Variants in GFRA2 observed in about 807,000 individuals in gnomAD.
GFRA2 encodes GDNF family receptor alpha-2.
A neutral mutation model predicts 48.3 loss-of-function variants in GFRA2; 17 were observed. That is an observed-to-expected ratio of 0.35 (90% CI 0.24 to 0.53). The LOEUF (loss-of-function observed/expected upper bound fraction) is 0.53, where lower values mean the gene tolerates loss of function less well. Ranked by LOEUF, GFRA2 falls within the 20% of genes least tolerant of loss-of-function variation. GFRA2 has a pLI of 0.93. For missense variants in GFRA2, 660 were observed against 637.3 expected (o/e 1.04, Z -0.38); for synonymous variants, 305 against 257.2 (o/e 1.19, Z -1.78).
At chr8:21,739,656 TC>T (rs146931164) in intron 4 of GFRA2, among the ~76,000 whole-genome samples, 1,521 of 151,884 alleles carry the variant, frequency 0.01, 39 homozygotes, top group African/African-American at 0.034. Context: ...CAGGGCTGCC[TC>T]CCCCCTGGGG....
At chr8:21,790,959 C>A (rs1233546598), upstream of GFRA2, among the ~76,000 whole-genome samples, 1 of 152,020 alleles carries the variant, frequency 6.6e-6, no homozygotes, top group Admixed American at 6.6e-5. Context: ...AAATGAATGT[C>A]CCCCCTCTCA....
chr8:21,796,131 G>T (rs1807671692), intron 2 of GFRA2, among the ~76,000 whole-genome samples: 1 of 152,216 alleles, frequency 6.6e-6, no homozygotes, highest in Non-Finnish European at 1.5e-5. Flanking sequence ...CTGGGTGTCT[G>T]GTCTGCCCCT....
At chr8:21,752,142 A>G (rs974831280) in intron 3 of GFRA2, among the ~76,000 whole-genome samples, 1 of 151,990 alleles carries the variant, frequency 6.6e-6, no homozygotes, top group African/African-American at 2.4e-5. Context: ...TGTCTTCTAG[A>G]CCATTCCCAT....
At chr8:21,800,840 G>A (rs1807757307) in intron 2 of GFRA2, among the ~76,000 whole-genome samples, 1 of 151,788 alleles carries the variant, frequency 6.6e-6, no homozygotes, top group African/African-American at 2.4e-5. Context: ...GCAAGAGGAT[G>A]GCTTGAGCCC....
intron 4 of GFRA2, among the ~76,000 whole-genome samples, chr8:21,726,986 G>A (rs1317462202): frequency 3.9e-5 from 6 of 152,026 alleles, no homozygotes; most frequent in African/African-American, 1.2e-4. Context: ...TCCTGACCTC[G>A]TGATCCACCT....
chr8:21,788,839 C>A lies in GFRA2; in HGVS notation c.-680G>T, dbSNP rs1253327513. 2 of 974,298 alleles carry A rather than the reference C, an allele frequency of 2.1e-6. No homozygotes were observed. The highest frequency in any genetic ancestry group is 3.5e-5 in the African/African-American group (2 of 57,006). The allele number at this position is 974,298 out of a possible 1,614,324, so 60.4% of individuals were successfully genotyped here. A position where few individuals can be genotyped will look rare whatever the true frequency, so the allele number is the denominator to read the frequency against. On this transcript the variant is annotated 5_prime_UTR_variant, in exon 1 of 9. Transcript: ENST00000524240. ...CTCTCCTCTCTCTCTCTCTCCTCTC[C>A]CTCGCTCGCTCTTTGCTCTCGCTCT... is the stretch of plus-strand genomic sequence containing the variant.
chr8:21,787,964 G>T (rs1344142876), intron 1 of GFRA2, among the ~76,000 whole-genome samples, 156 bp downstream of exon 1: 1 of 151,472 alleles, frequency 6.6e-6, no homozygotes, highest in Non-Finnish European at 1.5e-5. Flanking sequence ...CGTCCCTGCC[G>T]CCCGGCCCCG....
intron 2 of GFRA2, 57 bp from the exon 3 acceptor site, chr8:21,775,112 A>G: frequency 1.2e-6 from 1 of 865,714 alleles, no homozygotes; most frequent in African/African-American, 1.6e-5. Context: ...CGCTGCCGGC[A>G]CTTAGCAAAT....
At chr8:21,789,028 G>A (rs369415423), upstream of GFRA2, among the ~76,000 whole-genome samples, 77 of 93,528 alleles carry the variant, frequency 8.2e-4, 1 homozygote, top group East Asian at 0.015. Context: ...CAGGCGGCTG[G>A]CGGCGCGGGG....
chr8:21,764,280 G>T (rs569420375), intron 3 of GFRA2, among the ~76,000 whole-genome samples: 1 of 152,188 alleles, frequency 6.6e-6, no homozygotes, highest in East Asian at 1.9e-4. Context: ...CCATCTTCTG[G>T]CTGTGTCCTC....
Position 21,788,800 on chromosome 8 carries a change from G to A in GFRA2, c.-641C>T, listed in dbSNP as rs1585346385. The A allele has an allele frequency of 1.0e-6, 1 of 985,406 alleles. No homozygotes were observed. Among genetic ancestry groups the A allele is most frequent in the Non-Finnish European group, 1.2e-6 (1 of 829,954 alleles). 61.0% of individuals were successfully genotyped at this position (985,406 alleles called of 1,614,324 possible). Reference sequence around the variant, plus strand: ...TTCCAGTGACCGTGTGTCTCTGCGTGCGTGTGTCTTTCTCTCTCCTCTCTC... The same window carrying A: ...TTCCAGTGACCGTGTGTCTCTGCGTACGTGTGTCTTTCTCTCTCCTCTCTC... On this transcript the variant is annotated 5_prime_UTR_variant, in exon 1 of 9. Transcript: ENST00000524240.
chr8:21,803,630 T>C (rs972791648), intron 2 of GFRA2, among the ~76,000 whole-genome samples: 1 of 152,196 alleles, frequency 6.6e-6, no homozygotes, highest in Non-Finnish European at 1.5e-5. Context: ...GTAATGATCA[T>C]AGCTAACTTT....
At chr8:21,790,126 C>A (rs1807523630), upstream of GFRA2, 1 of 984,380 alleles carries the variant, frequency 1.0e-6, no homozygotes, top group Non-Finnish European at 1.2e-6. Flanking sequence ...TAAAAGGAAG[C>A]GTCTGGCTGG....
At chr8:21,752,314 C>A (rs372420762) in intron 3 of GFRA2, among the ~76,000 whole-genome samples, 1 of 152,252 alleles carries the variant, frequency 6.6e-6, no homozygotes, top group East Asian at 1.9e-4. Context: ...CTCTCTTAGA[C>A]CTGCTTCAGC....
At chr8:21,721,295 A>C (rs777355964) in intron 4 of GFRA2, among the ~76,000 whole-genome samples, 1 of 152,170 alleles carries the variant, frequency 6.6e-6, no homozygotes, top group Non-Finnish European at 1.5e-5. Flanking sequence ...TGGTGGTTAG[A>C]AACTTGGAAA....
chr8:21,711,054 A>G (rs1305248892), intron 4 of GFRA2, among the ~76,000 whole-genome samples: 1 of 152,182 alleles, frequency 6.6e-6, no homozygotes, highest in Non-Finnish European at 1.5e-5. Context: ...CACTCCAGCC[A>G]TGACCCCTCG....
At chr8:21,789,169 C>T, upstream of GFRA2, 1 of 160,520 alleles carries the variant, frequency 6.2e-6, no homozygotes, top group Non-Finnish European at 1.3e-5. Context: ...AGCCCAGCCG[C>T]CGGCTCCCTC....
chr8:21,771,817 T>A (rs1397894975), intron 3 of GFRA2, among the ~76,000 whole-genome samples: 1 of 151,932 alleles, frequency 6.6e-6, no homozygotes, highest in Admixed American at 6.6e-5. Context: ...CCTCCCTCCC[T>A]ACCCACAGTC....
intron 8 of GFRA2, among the ~76,000 whole-genome samples, chr8:21,694,024 T>C (rs914559512): frequency 6.9e-6 from 1 of 144,132 alleles, no homozygotes; most frequent in East Asian, 2.0e-4. Context: ...TATATTTATA[T>C]ATACGTCATA....
Sources: allele counts gnomAD v4.1 joint callset (sites outside exome capture counted in the v4.1 genomes callset), GRCh38; gene constraint gnomAD v4.1.1; transcripts MANE v1.5; gene names NCBI Gene and HGNC (gene_info 2026-07-23, HGNC 2026-07-21).